Variants in R3HDM1 observed in about 807,000 individuals in gnomAD.
R3HDM1 encodes the protein R3H domain containing 1, also known as R3H domain-containing protein 1.
In R3HDM1, 46 loss-of-function variants were observed where a neutral mutation model predicts 141.1. That is an observed-to-expected ratio of 0.33 (90% CI 0.26 to 0.42). The LOEUF is 0.42. Ranked by LOEUF, R3HDM1 falls within the 10% of genes least tolerant of loss-of-function variation. R3HDM1 has a pLI of 1.00. For synonymous variants in R3HDM1, 435 were observed against 472.9 expected, an observed-to-expected ratio of 0.92 and a Z score of 1.04; for missense variants, 1,184 against 1,368.3, an observed-to-expected ratio of 0.87 and a Z score of 2.12.
chr2:135,687,089 G>C (rs535787844), intron 21 of R3HDM1, among the ~76,000 whole-genome samples: 2 of 152,242 alleles, frequency 1.3e-5, no homozygotes, highest in East Asian at 3.9e-4. Context: ...CAGCTACTCA[G>C]GAGGCTGAGG....
At chr2:135,651,310 T>TAGTTTAA in intron 17 of R3HDM1, 1 of 983,916 alleles carries the variant, frequency 1.0e-6, no homozygotes, top group Non-Finnish European at 1.2e-6. Context: ...AGAGGGGAGA[T>TAGTTTAA]AGTTTAAAGC....
intron 21 of R3HDM1, among the ~76,000 whole-genome samples, chr2:135,705,925 C>T (rs1260374304): frequency 1.3e-5 from 2 of 152,134 alleles, no homozygotes; most frequent in African/African-American, 4.8e-5. Context: ...GTCAGGAGAT[C>T]GAGACCATCC....
Position 135,616,743 on chromosome 2 carries a change from T to C in R3HDM1, c.289T>C (p.Ser97Pro), listed in dbSNP as rs201680913. The change falls in exon 5 of 27, where the codon TCA (serine) becomes CCA (proline). Residue 97 changes from serine (S) to proline (P), a missense_variant. This residue lies in a region of R3HDM1 where 192 missense variants were observed against 215.7 expected (regional missense o/e 0.89). Transcript: ENST00000683871. The stretch of plus-strand genomic sequence containing the variant: ...TCCACCACCCCCTGCACCAGAGATA[T>C]CACAGGAGAACCAGGTAAAAAAGCA... ...ESPPPPAPEI[S>P]QENQEKIQIQ... 27 of 1,603,976 alleles carry C rather than the reference T, an allele frequency of 1.7e-5. No homozygotes were observed. The highest frequency in any genetic ancestry group is 1.3e-4 in the East Asian group (6 of 44,764).
intron 1 of R3HDM1, among the ~76,000 whole-genome samples, chr2:135,553,159 C>T (rs763397924): frequency 6.6e-6 from 1 of 152,082 alleles, no homozygotes; most frequent in African/African-American, 2.4e-5. Flanking sequence ...CATGAGGCAC[C>T]GTGCCTGGCT....
Position 135,715,426 on chromosome 2 carries a change from G to T in R3HDM1, c.2737-124G>T, listed in dbSNP as rs1272278017. 4 of 1,070,666 alleles carry T rather than the reference G, an allele frequency of 3.7e-6. No homozygotes were observed. In the African/African-American group the frequency reaches 6.5e-5, roughly 17 times the overall value. 66.3% of individuals were successfully genotyped at this position (1,070,666 alleles called of 1,614,324 possible). ...TTACCAGTGTTTATTTTGGGGAGTT[G>T]CAGATCACATGCTTCTATAATGTTT... On this transcript the variant is annotated intron_variant, in intron 23 of 26. Transcript: ENST00000683871.
At chr2:135,613,587 C>T (rs1021566141) in intron 3 of R3HDM1, among the ~76,000 whole-genome samples, 5 of 152,146 alleles carry the variant, frequency 3.3e-5, no homozygotes, top group African/African-American at 7.2e-5. Flanking sequence ...GAGGCCAAGG[C>T]GGACTGCTCA....
intron 1 of R3HDM1, among the ~76,000 whole-genome samples, chr2:135,533,492 CT>C (rs1424799729): frequency 2.1e-4 from 32 of 152,238 alleles, no homozygotes; most frequent in Admixed American, 6.5e-5. Context: ...TTCTTCCTGG[CT>C]GTTGGATCCC....
intron 18 of R3HDM1, among the ~76,000 whole-genome samples, chr2:135,654,809 A>G (rs1315034135): frequency 6.6e-6 from 1 of 151,788 alleles, no homozygotes; most frequent in African/African-American, 2.4e-5. Context: ...ATATGTAGGT[A>G]CATGTATTTT....
intron 21 of R3HDM1, among the ~76,000 whole-genome samples, chr2:135,704,659 T>G (rs1381074911): frequency 6.6e-6 from 1 of 151,614 alleles, no homozygotes; most frequent in Non-Finnish European, 1.5e-5. Context: ...TTAGCAGAGA[T>G]AGGGTTTCAG....
At chr2:135,706,919 G>A (rs1467075589) in intron 21 of R3HDM1, among the ~76,000 whole-genome samples, 2 of 151,692 alleles carry the variant, frequency 1.3e-5, no homozygotes, top group African/African-American at 4.8e-5. Flanking sequence ...GGTGGTGGCC[G>A]GGCAGAGGGG....
intron 21 of R3HDM1, among the ~76,000 whole-genome samples, chr2:135,695,100 C>A (rs2105390144): frequency 6.6e-6 from 1 of 152,238 alleles, no homozygotes; most frequent in Admixed American, 6.5e-5. Flanking sequence ...GTCGTCCTGC[C>A]TGAAAAATCA....
chr2:135,670,531 T>A, intron 19 of R3HDM1: 1 of 501,392 alleles, frequency 2.0e-6, no homozygotes, highest in Non-Finnish European at 2.6e-6. Flanking sequence ...GATTTTGAAA[T>A]AGTCTGTGTC....
chr2:135,577,499 GACAACTCACAA>G (rs1705733730), intron 1 of R3HDM1, among the ~76,000 whole-genome samples: 1 of 147,710 alleles, frequency 6.8e-6, no homozygotes, highest in Admixed American at 6.8e-5. Context: ...GACATAAATG[GACAACTCACAA>G]ACAATGAAAA....
At chr2:135,723,589 T>C (rs2076905674) in intron 26 of R3HDM1, among the ~76,000 whole-genome samples, 1 of 150,814 alleles carries the variant, frequency 6.6e-6, no homozygotes, top group Admixed American at 6.6e-5. Flanking sequence ...CTGGCCAATA[T>C]GGTGAAACTC....
At chr2:135,683,047 A>T (rs1297055166) in intron 21 of R3HDM1, among the ~76,000 whole-genome samples, 4 of 152,176 alleles carry the variant, frequency 2.6e-5, no homozygotes, top group Non-Finnish European at 4.4e-5. Context: ...CTTGGACCCA[A>T]ATGAGGCAGA....
intron 1 of R3HDM1, among the ~76,000 whole-genome samples, chr2:135,568,201 C>T (rs1012343344): frequency 9.9e-5 from 15 of 151,880 alleles, no homozygotes; most frequent in Admixed American, 6.6e-5. Context: ...GGACTATAGG[C>T]ACATGCCACC....
intron 17 of R3HDM1, 118 bp from the exon 18 acceptor site, chr2:135,651,608 GATAT>G: frequency 1.5e-6 from 2 of 1,337,398 alleles, no homozygotes; most frequent in Non-Finnish European, 1.9e-6. Context: ...TGCTGTTGTT[GATAT>G]ATATAATTTC....
chr2:135,625,757 G>A (rs900286471), intron 7 of R3HDM1, among the ~76,000 whole-genome samples: 2 of 152,066 alleles, frequency 1.3e-5, no homozygotes, highest in African/African-American at 4.8e-5. Flanking sequence ...ACATAATGAA[G>A]ACTTCATAAA....
At chr2:135,622,070 T>A in intron 6 of R3HDM1, 1 of 984,492 alleles carries the variant, frequency 1.0e-6, no homozygotes, top group South Asian at 4.7e-5. Context: ...CTTTTTAAAT[T>A]TAAAAACCCA....
Sources: gnomAD v4.1 joint callset for allele counts (sites outside exome capture counted in the v4.1 genomes callset) on GRCh38, gnomAD v4.1.1 for gene constraint, gnomAD v4.1.1 regional missense constraint, MANE v1.5 for transcripts, NCBI Gene and HGNC (gene_info 2026-07-23, HGNC 2026-07-21) for gene names.